The following ZNF177 variants were observed in gnomAD, a reference collection of about 807,000 sequenced individuals.
ZNF177 encodes zinc finger protein 177.
ZNF177 carries 17 observed loss-of-function variants against 19.4 expected under a neutral mutation model. That is an observed-to-expected ratio of 0.87 (90% CI 0.60 to 1.31). ZNF177 has a LOEUF of 1.31. Ranked by LOEUF, ZNF177 falls within the 40% of genes most tolerant of loss-of-function variation. The pLI is 0.00. For synonymous variants in ZNF177, 220 were observed against 188.7 expected, an observed-to-expected ratio of 1.17 and a Z score of -1.36; for missense variants, 633 against 561.8, an observed-to-expected ratio of 1.13 and a Z score of -1.28.
intron 2 of ZNF177, among the ~76,000 whole-genome samples, chr19:9,370,080 G>A (rs1024471819): frequency 6.6e-6 from 1 of 151,848 alleles, no homozygotes; most frequent in Non-Finnish European, 1.5e-5. Context: ...TTTTTGGATG[G>A]GTAAGTTGTC....
intron 2 of ZNF177, among the ~76,000 whole-genome samples, chr19:9,368,436 G>A (rs1036748824): frequency 2.6e-5 from 4 of 152,184 alleles, no homozygotes; most frequent in Admixed American, 6.5e-5. Context: ...GTTAATCTCT[G>A]CAACATTTGT....
At chr19:9,380,165 G>T (rs2068172521) in intron 5 of ZNF177, 26 bp downstream of exon 7, 5 of 1,583,362 alleles carry the variant, frequency 3.2e-6, no homozygotes, top group Non-Finnish European at 4.3e-6. Context: ...AAGTATTCCT[G>T]GTCTTTGTAG....
intron 3 of ZNF177, among the ~76,000 whole-genome samples, 160 bp from the exon 6 acceptor site, chr19:9,379,367 T>C (rs1228604930): frequency 6.6e-6 from 1 of 152,282 alleles, no homozygotes; most frequent in East Asian, 1.9e-4. Context: ...TTTTTGGTTC[T>C]TGTGAAAGAA....
At position 9,378,359 on chromosome 19, in the gene ZNF177, T is replaced by C; in HGVS notation, c.33+15T>C. The C allele has an allele frequency of 6.2e-7, 1 of 1,613,424 alleles. No homozygotes were observed. The highest frequency in any genetic ancestry group is 8.5e-7 in the Non-Finnish European group (1 of 1,179,720). ...CCTGGTCACAGGTACACAAGAAATT[T>C]CTCTATTTCCAAAAGCACACTGCCA... is the stretch of plus-strand genomic sequence containing the variant. On this transcript the variant is annotated intron_variant, in intron 2 of 5. Transcript: ENST00000589262.
At chr19:9,380,705 A>C in exon 6 of ZNF177, 1 of 1,535,922 alleles carries the variant, frequency 6.5e-7, no homozygotes, top group Non-Finnish European at 8.7e-7. Flanking sequence ...CTGGAGTGTA[A>C]CCATTGTGGG....
chr19:9,367,842 A>G (rs1415360316), intron 2 of ZNF177, among the ~76,000 whole-genome samples: 2 of 152,246 alleles, frequency 1.3e-5, no homozygotes, highest in Admixed American at 6.5e-5. Flanking sequence ...ACCATACACA[A>G]TTCTGGGGTT....
intron 2 of ZNF177, among the ~76,000 whole-genome samples, chr19:9,368,554 A>G (rs984177613): frequency 6.6e-6 from 1 of 152,068 alleles, no homozygotes; most frequent in Non-Finnish European, 1.5e-5. Context: ...TTTCTAGTTC[A>G]TCATCGTATT....
At chr19:9,381,953 G>C in exon 6 of ZNF177, 1 of 958,204 alleles carries the variant, frequency 1.0e-6, no homozygotes, top group East Asian at 2.7e-5. Flanking sequence ...TTATCAGTGA[G>C]TATTTCATTC....
Position 9,378,356 on chromosome 19 carries a change from AT to A in ZNF177, c.33+15del. The A allele has an allele frequency of 1.4e-5, 22 of 1,613,440 alleles. No individual in the cohort carries two copies. Among genetic ancestry groups the A allele is most frequent in the Non-Finnish European group, 1.9e-5 (22 of 1,179,718 alleles). On this transcript the variant is annotated intron_variant, in intron 2 of 5. Coordinates refer to ENST00000589262, the Ensembl canonical transcript of ZNF177. Reference sequence around the variant, plus strand: ...CAACCTGGTCACAGGTACACAAGAAATTTCTCTATTTCCAAAAGCACACTGC... The same window carrying A: ...CAACCTGGTCACAGGTACACAAGAAATTCTCTATTTCCAAAAGCACACTGC...
chr19:9,381,022 G>A lies in ZNF177; in HGVS notation c.691G>A (p.Gly231Ser), dbSNP rs756271897. The change falls in exon 6 of 6, where the codon GGT becomes AGT. Residue 231 changes from glycine to serine, a missense_variant. By Grantham distance (56) the Gly-to-Ser change is moderately conservative. Transcript: ENST00000589262. ...TGAGCAAATACCTACTGGAGAGAAA[G>A]GTGATGAATGCAGTGACTATGGCAA... 6.3e-6 allele frequency: 10 copies of A among 1,592,264 alleles called. No homozygotes were observed. In the African/African-American group the frequency reaches 6.7e-5, roughly 11 times the overall value.
exon 6 of ZNF177, chr19:9,381,221 C>G: frequency 6.2e-7 from 1 of 1,614,166 alleles, no homozygotes; most frequent in Admixed American, 1.7e-5. Context: ...ATTTTTCAGT[C>G]TTCCCTTAAG....
At position 9,363,114 on chromosome 19, in the gene ZNF177, C is replaced by T. The variant is rs149142958; in HGVS notation, c.-392+30C>T. 5.1e-3 allele frequency: 775 copies of T among 152,630 alleles called. 5 individuals are homozygous for T. Among genetic ancestry groups the T allele is most frequent in the Middle Eastern group, 0.041 (12 of 294 alleles). The allele number at this position is 152,630 out of a possible 1,614,324, so 9.5% of individuals were successfully genotyped here. A position where few individuals can be genotyped will look rare whatever the true frequency, so the allele number is the denominator to read the frequency against. ...GCCCCACTAGTGAGGCCGGCGGAATCGGGAGGGAAGGGGTCAAGGGCACAG... is the reference window on the plus strand; with the variant it reads ...GCCCCACTAGTGAGGCCGGCGGAATTGGGAGGGAAGGGGTCAAGGGCACAG... On this transcript the variant is annotated intron_variant, in intron 1 of 8. Transcript: ENST00000343499.
At chr19:9,368,577 C>T (rs1244849227) in intron 2 of ZNF177, among the ~76,000 whole-genome samples, 14 of 152,026 alleles carry the variant, frequency 9.2e-5, no homozygotes, top group Non-Finnish European at 1.5e-4. Flanking sequence ...CTGCTCTTCC[C>T]GTTCCAGCTG....
rs76551907 is a variant in ZNF177 at position 9,367,708 on chromosome 19, C to T, written c.-305+2760C>T. On this transcript the variant is annotated intron_variant, in intron 2 of 8. Transcript: ENST00000343499. ...ATTCTTCCTTTTATACTCTTAATCA[C>T]GGTAATCCCTTTGATAAGTTAAACT... 3.2e-4 allele frequency among the ~76,000 whole-genome samples: 48 copies of T among 152,270 alleles called. No individual in the cohort carries two copies. In the East Asian group the frequency reaches 6.4e-3, roughly 20 times the overall value.
upstream of ZNF177, among the ~76,000 whole-genome samples, chr19:9,376,054 A>G (rs1036822677): frequency 6.6e-6 from 1 of 152,164 alleles, no homozygotes; most frequent in African/African-American, 2.4e-5. Context: ...AGCTATAGTG[A>G]GCTTCTTGTA....
At chr19:9,368,770 G>A (rs1295758752) in intron 2 of ZNF177, among the ~76,000 whole-genome samples, 2 of 152,072 alleles carry the variant, frequency 1.3e-5, no homozygotes, top group Non-Finnish European at 1.5e-5. Context: ...GAAGTGTGAT[G>A]TTTTCTGAAT....
intron 2 of ZNF177, among the ~76,000 whole-genome samples, chr19:9,370,525 C>T (rs2122506905): frequency 6.6e-6 from 1 of 152,028 alleles, no homozygotes; most frequent in Middle Eastern, 3.4e-3. Context: ...GTAATCCTCC[C>T]ACCTCAGCCT....
At chr19:9,379,171 A>G in intron 3 of ZNF177, 83 bp downstream of exon 5, 1 of 1,486,018 alleles carries the variant, frequency 6.7e-7, no homozygotes, top group Non-Finnish European at 9.0e-7. Flanking sequence ...TGTGGAAAGA[A>G]TAGCAATACA....
chr19:9,378,315 G>C, exon 2 of ZNF177: 2 of 1,613,682 alleles, frequency 1.2e-6, no homozygotes, highest in Non-Finnish European at 1.7e-6. Context: ...AGGAAGAATG[G>C]CTGCAGGGTG....
Sources: allele counts gnomAD v4.1 joint callset (sites outside exome capture counted in the v4.1 genomes callset), GRCh38; gene constraint gnomAD v4.1.1; transcripts MANE v1.5; gene names NCBI Gene and HGNC (gene_info 2026-07-23, HGNC 2026-07-21).